GALNT13: variants seen among roughly 807,000 people sequenced by gnomAD.
GALNT13 encodes the protein UDP-GalNAc:polypeptide N-acetylgalactosaminyltransferase 13.
GALNT13 carries 28 observed loss-of-function variants against 64.2 expected under a neutral mutation model. The ratio of observed to expected loss-of-function variants is 0.44; its 90% CI spans 0.32 to 0.60. GALNT13 has a LOEUF of 0.60. Ranked by LOEUF, GALNT13 falls within the 20% of genes least tolerant of loss-of-function variation. The probability of loss-of-function intolerance (pLI) is 0.05; values close to 1 mark genes in which losing one functional copy is unlikely to be tolerated. For synonymous variants in GALNT13, 214 were observed against 224.6 expected (o/e 0.95, Z 0.42); for missense variants, 577 against 669.8 (o/e 0.86, Z 1.53).
chr2:153,791,535 TAA>T, the GALNT13 span, among the ~76,000 whole-genome samples: 7 of 152,208 alleles, frequency 4.6e-5, no homozygotes, highest in South Asian at 1.5e-3. Context: ...CTCAAAGAGT[TAA>T]AAAGAGAACT....
the GALNT13 span, among the ~76,000 whole-genome samples, chr2:153,702,709 C>T: frequency 5.3e-5 from 8 of 151,922 alleles, no homozygotes; most frequent in African/African-American, 1.9e-4. Context: ...TTCAAGGAAG[C>T]AATGGGGAGA....
At chr2:154,064,350 C>A (rs536524009) in intron 3 of GALNT13, among the ~76,000 whole-genome samples, 1 of 152,102 alleles carries the variant, frequency 6.6e-6, no homozygotes, top group Admixed American at 6.5e-5. Context: ...TGTTCTGGGC[C>A]GAGAGCAAGT....
intron 2 of GALNT13, among the ~76,000 whole-genome samples, chr2:153,939,485 A>G (rs1230749596): frequency 6.6e-6 from 1 of 152,212 alleles, no homozygotes; most frequent in Non-Finnish European, 1.5e-5. Flanking sequence ...AAAGGGAGGT[A>G]CAATTTACAT....
At chr2:153,892,954 A>G (rs1281751450) in intron 1 of GALNT13, among the ~76,000 whole-genome samples, 2 of 152,082 alleles carry the variant, frequency 1.3e-5, no homozygotes, top group Admixed American at 1.3e-4. Flanking sequence ...AGAGTGGCCT[A>G]AAGAAATTGG....
rs570470930 is a variant in GALNT13, at chr2:154,439,675, C to T, written c.1530+949C>T. On this transcript the variant is annotated intron_variant, in intron 12 of 12. Coordinates refer to ENST00000392825, the MANE Select transcript of GALNT13 (RefSeq NM_052917.4). Reference sequence around the variant, plus strand: ...ATATTTTAGCAAGACCTTTTAAAAACCTTTTTGAATGTCGTTTTAATATTT... The same window carrying T: ...ATATTTTAGCAAGACCTTTTAAAAATCTTTTTGAATGTCGTTTTAATATTT... Among the ~76,000 whole-genome samples the T allele has an allele frequency of 2.6e-5, 4 of 152,244 alleles. No homozygotes were observed. In the East Asian group the frequency reaches 7.7e-4, roughly 29 times the overall value.
intron 8 of GALNT13, chr2:154,287,396 C>T (rs1692332613): frequency 2.0e-6 from 1 of 497,466 alleles, no homozygotes; most frequent in South Asian, 1.8e-5. Flanking sequence ...GCCTGTGGGG[C>T]AGTCCATGCT....
At chr2:153,500,332 G>A in the GALNT13 span, among the ~76,000 whole-genome samples, 7 of 152,258 alleles carry the variant, frequency 4.6e-5, no homozygotes, top group East Asian at 1.2e-3. Flanking sequence ...TGAAACAAGA[G>A]GGTAAGGACA....
At chr2:153,831,185 GC>G in the GALNT13 span, among the ~76,000 whole-genome samples, 3 of 151,988 alleles carry the variant, frequency 2.0e-5, no homozygotes, top group Non-Finnish European at 2.9e-5. Flanking sequence ...GACAAACTTT[GC>G]CTCGTTTTTT....
chr2:154,083,571 G>T (rs922325355), intron 3 of GALNT13, among the ~76,000 whole-genome samples: 4 of 151,752 alleles, frequency 2.6e-5, no homozygotes, highest in Non-Finnish European at 4.4e-5. Context: ...ATTTGTTTGG[G>T]TCCTCTATTA....
chr2:153,515,262 T>C, the GALNT13 span, among the ~76,000 whole-genome samples: 3 of 152,070 alleles, frequency 2.0e-5, no homozygotes, highest in African/African-American at 4.8e-5. Flanking sequence ...TGGTCCCTCT[T>C]TTTCCCAGCC....
chr2:153,325,114 GTTTTTTTTTT>G, the GALNT13 span, among the ~76,000 whole-genome samples: 5 of 72,634 alleles, frequency 6.9e-5, no homozygotes, highest in Non-Finnish European at 1.2e-4. Context: ...CTGGACCTGG[GTTTTTTTTTT>G]TTTTTTTTTT....
intron 4 of GALNT13, among the ~76,000 whole-genome samples, chr2:154,158,425 T>TTA (rs1404594157): frequency 6.6e-6 from 1 of 152,216 alleles, no homozygotes; most frequent in Non-Finnish European, 1.5e-5. Context: ...TCTAAGCTGC[T>TTA]TATATTTTTA....
At chr2:154,310,021 G>A (rs1042499187) in intron 9 of GALNT13, among the ~76,000 whole-genome samples, 1 of 152,128 alleles carries the variant, frequency 6.6e-6, no homozygotes, top group African/African-American at 2.4e-5. Flanking sequence ...GGGTCTCCAA[G>A]CTTAACATGC....
the GALNT13 span, among the ~76,000 whole-genome samples, chr2:153,553,894 C>T: frequency 1.3e-5 from 2 of 152,080 alleles, no homozygotes; most frequent in African/African-American, 4.8e-5. Context: ...ACTGCAAATT[C>T]CTCAGACAGC....
At chr2:154,291,259 T>G (rs1692611672) in intron 8 of GALNT13, among the ~76,000 whole-genome samples, 1 of 152,118 alleles carries the variant, frequency 6.6e-6, no homozygotes, top group Non-Finnish European at 1.5e-5. Context: ...TTACAATACT[T>G]TAGCTAGACA....
the GALNT13 span, among the ~76,000 whole-genome samples, chr2:153,453,444 A>G: frequency 6.6e-6 from 1 of 152,224 alleles, no homozygotes; most frequent in Non-Finnish European, 1.5e-5. Flanking sequence ...TAACCCCATT[A>G]AAAATTGGCA....
At chr2:154,354,159 A>G (rs748128927) in intron 9 of GALNT13, among the ~76,000 whole-genome samples, 1 of 152,178 alleles carries the variant, frequency 6.6e-6, no homozygotes, top group Non-Finnish European at 1.5e-5. Flanking sequence ...CCTGATGATT[A>G]AACATACATT....
the GALNT13 span, among the ~76,000 whole-genome samples, chr2:153,540,625 C>T: frequency 1.3e-5 from 2 of 152,226 alleles, no homozygotes; most frequent in East Asian, 3.9e-4. Context: ...GGCCTGTATC[C>T]TACTGAGCCG....
intron 11 of GALNT13, among the ~76,000 whole-genome samples, chr2:154,414,507 AT>A (rs11439962): frequency 1.3e-5 from 2 of 149,272 alleles, no homozygotes; most frequent in African/African-American, 2.5e-5. Context: ...TGTGTATTAT[AT>A]TTTTTTTTTG....
Sources: gnomAD v4.1 joint callset for allele counts (sites outside exome capture counted in the v4.1 genomes callset) on GRCh38, gnomAD v4.1.1 for gene constraint, MANE v1.5 for transcripts, NCBI Gene and HGNC (gene_info 2026-07-23, HGNC 2026-07-21) for gene names.